PCSK1N: variants seen among roughly 807,000 people sequenced by gnomAD.
PCSK1N encodes the protein proSAAS.
Under a neutral mutation model 10.6 loss-of-function variants are expected in PCSK1N, and 8 were observed. The ratio of observed to expected loss-of-function variants is 0.76; its 90% confidence interval spans 0.44 to 1.37. PCSK1N has a LOEUF of 1.37. Ranked by LOEUF, PCSK1N falls within the 40% of genes most tolerant of loss-of-function variation. The pLI is 0.00. For missense variants in PCSK1N, 301 were observed against 268.5 expected, an observed-to-expected ratio of 1.12 and a Z score of -0.84; for synonymous variants, 143 against 137.1, an observed-to-expected ratio of 1.04 and a Z score of -0.30.
Position 48,832,092 on chromosome X carries a change from C to A in PCSK1N, c.364G>T (p.Ala122Ser), listed in dbSNP as rs370607245. 1.8e-4 allele frequency: 202 copies of A among 1,123,074 alleles called. 1 individual carries two copies. The highest frequency in any genetic ancestry group is 2.3e-4 in the Non-Finnish European group (198 of 859,811). The allele number at this position is 1,123,074 out of a possible 1,213,427, so 92.6% of individuals were successfully genotyped here. Residue 122 changes from alanine to serine, a missense_variant, in exon 2 of 3, where the codon GCT becomes TCT. By Grantham distance (99) the Ala-to-Ser change is moderately conservative. Transcript: ENST00000218230. ...VWGAPRNSDPALGLDDDPDAP... is the reference protein window; with the variant it reads ...VWGAPRNSDPSLGLDDDPDAP... ...TCGGGGTCGTCGTCCAGGCCCAGAG[C>A]CGGATCAGAGTTGCGGGGGGCGCCC... is the stretch of plus-strand genomic sequence containing the variant.
Position 48,831,123 on chromosome X carries a change from CA to C in PCSK1N, c.*136del, listed in dbSNP as rs2147403105. 6.1e-6 allele frequency: 3 copies of C among 493,941 alleles called. No individual in the cohort carries two copies. Among genetic ancestry groups the C allele is most frequent in the East Asian group, 8.6e-5 (2 of 23,342 alleles). 40.7% of individuals were successfully genotyped at this position (493,941 alleles called of 1,213,427 possible). A position where few individuals can be genotyped will look rare whatever the true frequency, so the allele number is the denominator to read the frequency against. On this transcript the variant is annotated 3_prime_UTR_variant, in exon 3 of 3. Transcript: ENST00000218230. ...CTTCAGATCATGTTTATTGTGGGGC[CA>C]GGGGGTAGGGATCCTCGGGTGAGAG...
Position 48,832,224 on chromosome X carries a change from C to T in PCSK1N, c.232G>A (p.Ala78Thr). The stretch of plus-strand genomic sequence containing the variant: ...TCGGCCTCCAGCAGATGCGCCAGCG[C>T]CCGCGCCAGCTCCTGCACCGCCCCC... Reference protein sequence around the residue: ...AAGAVQELARALAHLLEAERQ... With the variant: ...AAGAVQELARTLAHLLEAERQ... Residue 78 changes from alanine (A) to threonine (T), a missense_variant, in exon 2 of 3, where the codon GCG becomes ACG. Transcript: ENST00000218230. 1 of 1,154,833 alleles carries T rather than the reference C, an allele frequency of 8.7e-7. No homozygotes were observed. The highest frequency in any genetic ancestry group is 1.1e-6 in the Non-Finnish European group (1 of 872,466).
At chrX:48,831,733 G>A in intron 2 of PCSK1N, 136 bp downstream of exon 2, 1 of 489,862 alleles carries the variant, frequency 2.0e-6, no homozygotes, top group Non-Finnish European at 3.0e-6. Context: ...GGACTCCCTG[G>A]ATCCAGGACC....
rs1557033561 is a variant in PCSK1N, at chrX:48,832,143, C to T, written c.313G>A (p.Val105Ile). ...AQEAEDQQARVLAQLLRVWGA... is the reference protein window; with the variant it reads ...AQEAEDQQARILAQLLRVWGA... ...CAGACGCGCAGCAGCTGCGCCAGGA[C>T]GCGCGCCTGCTGATCCTCAGCCTCC... Residue 105 changes from valine to isoleucine, a missense_variant, in exon 2 of 3, where the codon GTC becomes ATC. By Grantham distance (29) the Val-to-Ile change is conservative (BLOSUM62 3). Coordinates refer to ENST00000218230, the MANE Select transcript of PCSK1N (RefSeq NM_013271.5). The T allele has an allele frequency of 8.8e-7, 1 of 1,135,651 alleles. No homozygotes were observed. The highest frequency in any genetic ancestry group is 2.7e-5 in the Admixed American group (1 of 36,930). The allele number at this position is 1,135,651 out of a possible 1,213,427, so 93.6% of individuals were successfully genotyped here. A position where few individuals can be genotyped will look rare whatever the true frequency, so the allele number is the denominator to read the frequency against.
chrX:48,835,330 G>A (rs113319795), intron 1 of PCSK1N, 89 bp downstream of exon 1: 11 of 404,828 alleles, frequency 2.7e-5, no homozygotes, highest in African/African-American at 2.3e-4. Flanking sequence ...AGCCGGCTCG[G>A]GCGGGGGTGA....
intron 2 of PCSK1N, 62 bp from the exon 3 acceptor site, chrX:48,831,517 G>T: frequency 2.2e-6 from 2 of 891,678 alleles, no homozygotes; most frequent in Non-Finnish European, 2.9e-6. Flanking sequence ...CCCGCCCCAC[G>T]CTCGGGGCCC....
Position 48,831,202 on chromosome X carries a change from G to T in PCSK1N, c.*58C>A. 1 of 999,475 alleles carries T rather than the reference G, an allele frequency of 1.0e-6. No homozygotes were observed. The allele number at this position is 999,475 out of a possible 1,213,427, so 82.4% of individuals were successfully genotyped here. A position where few individuals can be genotyped will look rare whatever the true frequency, so the allele number is the denominator to read the frequency against. On this transcript the variant is annotated 3_prime_UTR_variant, in exon 3 of 3. Transcript: ENST00000218230. ...GGACGTGCTGGCGGGGAGCAGTCCT[G>T]GTGGCGGGATGGCGGGGGCACTTCT...
intron 1 of PCSK1N, among the ~76,000 whole-genome samples, chrX:48,834,109 A>C (rs1189370657): frequency 1.8e-5 from 2 of 111,375 alleles, no homozygotes; most frequent in African/African-American, 6.5e-5. Context: ...GTAAGGGATC[A>C]ATGGACAGAA....
intron 1 of PCSK1N, 22 bp from the exon 2 acceptor site, chrX:48,832,363 G>T: frequency 1.8e-6 from 2 of 1,084,041 alleles, no homozygotes; most frequent in Non-Finnish European, 2.4e-6. Flanking sequence ...TGAGGTGGGG[G>T]AAAAGAGTTT....
At position 48,835,594 on chromosome X, in the gene PCSK1N, C is replaced by T. The variant is rs2063184615; in HGVS notation, c.-62G>A. On this transcript the variant is annotated 5_prime_UTR_variant, in exon 1 of 3. Coordinates refer to ENST00000218230, the MANE Select transcript of PCSK1N (RefSeq NM_013271.5). ...GGCTGGCAAGTGCGCAGTGCCGGGG[C>T]GAGCTGGCGAGGCTGCGGCGCTCTG... 2 of 452,365 alleles carry T rather than the reference C, an allele frequency of 4.4e-6. No individual in the cohort carries two copies. Among genetic ancestry groups the T allele is most frequent in the African/African-American group, 5.3e-5 (2 of 38,006 alleles). The allele number at this position is 452,365 out of a possible 1,213,427, so 37.3% of individuals were successfully genotyped here.
rs146430347 is a variant in PCSK1N, at chrX:48,834,674, T to C, written c.114+745A>G. The stretch of plus-strand genomic sequence containing the variant: ...TCCACAAAGAAACGGAGAGAAACAG[T>C]CTCAGGAACACGCAAACGAAATCCC... On this transcript the variant is annotated intron_variant, in intron 1 of 2. Transcript: ENST00000218230. 3.2e-3 allele frequency: 622 copies of C among 191,768 alleles called. 3 individuals are homozygous for C. The highest frequency in any genetic ancestry group is 0.018 in the African/African-American group (583 of 31,614). The allele number at this position is 191,768 out of a possible 1,213,427, so 15.8% of individuals were successfully genotyped here. A position where few individuals can be genotyped will look rare whatever the true frequency, so the allele number is the denominator to read the frequency against.
rs781994116 is a variant in PCSK1N at position 48,831,216 on chromosome X, G to A, written c.*44C>T. On this transcript the variant is annotated 3_prime_UTR_variant, in exon 3 of 3. Transcript: ENST00000218230. ...GGAGCAGTCCTGGTGGCGGGATGGC[G>A]GGGGCACTTCTGGGTCCCAGGGTGC... is the stretch of plus-strand genomic sequence containing the variant. The A allele has an allele frequency of 2.9e-5, 31 of 1,060,287 alleles. No homozygotes were observed. In the South Asian group the frequency reaches 4.2e-4, roughly 14 times the overall value. 87.4% of individuals were successfully genotyped at this position (1,060,287 alleles called of 1,213,427 possible).
At chrX:48,834,812 CACACACACAGAGAGAGAGAG>C (rs1426301213) in intron 1 of PCSK1N, 1 of 88,888 alleles carries the variant, frequency 1.1e-5, no homozygotes, top group African/African-American at 3.8e-5. Flanking sequence ...CACACACACA[CACACACACAGAGAGAGAGAG>C]ACAGAGAGAG....
chrX:48,832,546 ACC>A (rs1357010893), intron 1 of PCSK1N, among the ~76,000 whole-genome samples: 4 of 61,935 alleles, frequency 6.5e-5, no homozygotes, highest in Non-Finnish European at 1.2e-4. Context: ...ATCCCCAGAC[ACC>A]CCCCACCCCC....
Position 48,831,208 on chromosome X carries a change from G to T in PCSK1N, c.*52C>A, listed in dbSNP as rs782590524. The T allele has an allele frequency of 1.6e-4, 158 of 1,014,012 alleles. No individual in the cohort carries two copies. Among genetic ancestry groups the T allele is most frequent in the Non-Finnish European group, 1.9e-4 (146 of 761,005 alleles). 83.6% of individuals were successfully genotyped at this position (1,014,012 alleles called of 1,213,427 possible). On this transcript the variant is annotated 3_prime_UTR_variant, in exon 3 of 3. Transcript: ENST00000218230. Reference sequence around the variant, plus strand: ...GCTGGCGGGGAGCAGTCCTGGTGGCGGGATGGCGGGGGCACTTCTGGGTCC... The same window carrying T: ...GCTGGCGGGGAGCAGTCCTGGTGGCTGGATGGCGGGGGCACTTCTGGGTCC...
chrX:48,833,101 C>G (rs6609798), intron 1 of PCSK1N, among the ~76,000 whole-genome samples: 40,830 of 111,509 alleles, frequency 0.37, 5,927 homozygotes, highest in Middle Eastern at 0.54. Context: ...AATTGGGCCA[C>G]GTGTAGTGGT....
Position 48,831,352 on chromosome X carries a change from G to C in PCSK1N, c.691C>G (p.Pro231Ala). 1 of 1,139,417 alleles carries C rather than the reference G, an allele frequency of 8.8e-7. No homozygotes were observed. The highest frequency in any genetic ancestry group is 2.7e-4 in the Middle Eastern group (1 of 3,741). The allele number at this position is 1,139,417 out of a possible 1,213,427, so 93.9% of individuals were successfully genotyped here. ...AADHDVGSEL[P>A]PEGVLGALLR... ...AGCGCCCCCAGCACGCCCTCAGGGGGCAGCTCAGAGCCCACATCGTGGTCG... is the reference window on the plus strand; with the variant it reads ...AGCGCCCCCAGCACGCCCTCAGGGGCCAGCTCAGAGCCCACATCGTGGTCG... Residue 231 changes from proline to alanine, a missense_variant, in exon 3 of 3, where the codon CCC becomes GCC. Physicochemically the swap from Pro to Ala is conservative, Grantham distance 27 (BLOSUM62 -1). Transcript: ENST00000218230.
In PCSK1N at chrX:48,835,560, G is replaced by A. The variant is rs1169913766; in HGVS notation, c.-28C>T. ...TGCCCCAGCGAGCCGGGCTCCGGACGGGCGGACTGGCTGGCAAGTGCGCAG... is the reference window on the plus strand; with the variant it reads ...TGCCCCAGCGAGCCGGGCTCCGGACAGGCGGACTGGCTGGCAAGTGCGCAG... On this transcript the variant is annotated 5_prime_UTR_variant, in exon 1 of 3. Transcript: ENST00000218230. The A allele has an allele frequency of 5.1e-5, 37 of 719,067 alleles. 1 individual carries two copies. The Admixed American group carries it at 1.7e-3, about 32-fold the overall frequency. The allele number at this position is 719,067 out of a possible 1,213,427, so 59.3% of individuals were successfully genotyped here. A position where few individuals can be genotyped will look rare whatever the true frequency, so the allele number is the denominator to read the frequency against.
intron 1 of PCSK1N, among the ~76,000 whole-genome samples, chrX:48,832,692 A>T (rs1490155681): frequency 2.7e-5 from 3 of 110,131 alleles, no homozygotes; most frequent in African/African-American, 1.0e-4. Context: ...CATATTTAAT[A>T]TTGTGGACAA....
Sources: allele counts gnomAD v4.1 joint callset (sites outside exome capture counted in the v4.1 genomes callset), GRCh38; gene constraint gnomAD v4.1.1; transcripts MANE v1.5; gene names NCBI Gene and HGNC (gene_info 2026-07-23, HGNC 2026-07-21).